The following EYA1 variants were observed in gnomAD, a reference collection of about 807,000 sequenced individuals.
The protein encoded by EYA1 is EYA transcriptional coactivator and phosphatase 1, also known as protein phosphatase EYA1.
Under a neutral mutation model 82.0 loss-of-function variants are expected in EYA1, and 16 were observed. That is an observed-to-expected ratio of 0.20 (90% CI 0.13 to 0.30). The LOEUF (loss-of-function observed/expected upper bound fraction) is 0.30, where lower values mean the gene tolerates loss of function less well. Ranked by LOEUF, EYA1 falls within the 10% of genes least tolerant of loss-of-function variation. EYA1 has a pLI of 1.00. For missense variants in EYA1, 633 were observed against 730.7 expected (o/e 0.87, Z 1.54); for synonymous variants, 261 against 264.4 (o/e 0.99, Z 0.12).
chr8:71,213,744 C>T (rs527424842), intron 16 of EYA1, among the ~76,000 whole-genome samples: 1 of 152,226 alleles, frequency 6.6e-6, no homozygotes, highest in Non-Finnish European at 1.5e-5. Flanking sequence ...TGGGTCTCTT[C>T]CAATGCAACA....
chr8:71,463,307 G>A (rs536941663), intron 2 of EYA1, among the ~76,000 whole-genome samples: 2 of 152,204 alleles, frequency 1.3e-5, no homozygotes, highest in African/African-American at 2.4e-5. Context: ...CAAGTACAGA[G>A]AGAAATGTGT....
At chr8:71,500,427 C>G (rs866616528) in intron 2 of EYA1, among the ~76,000 whole-genome samples, 2 of 152,180 alleles carry the variant, frequency 1.3e-5, no homozygotes, top group African/African-American at 2.4e-5. Flanking sequence ...AAAGTGCCCT[C>G]TACCCTTCTT....
At chr8:71,523,038 T>TC (rs1338310916) in intron 2 of EYA1, among the ~76,000 whole-genome samples, 1 of 152,216 alleles carries the variant, frequency 6.6e-6, no homozygotes, top group African/African-American at 2.4e-5. Flanking sequence ...AAATTGTTTT[T>TC]CTCCCTTTAC....
rs190503387 is a variant in EYA1 at position 71,255,789 on chromosome 8, C to T, written c.1051-11097G>A. ...GAAACAACAGTGAAAAGGCAGGCCA[C>T]GGAATGGGAGAAAATATTTGAAAAT... On this transcript the variant is annotated intron_variant, in intron 11 of 17. Transcript: ENST00000340726. 2.2e-3 allele frequency among the ~76,000 whole-genome samples: 335 copies of T among 151,786 alleles called. 3 individuals carry two copies. Among genetic ancestry groups the T allele is most frequent in the Admixed American group, 2.6e-3 (39 of 15,250 alleles).
At chr8:71,476,400 T>A (rs960562139) in intron 2 of EYA1, among the ~76,000 whole-genome samples, 1 of 152,110 alleles carries the variant, frequency 6.6e-6, no homozygotes, top group Non-Finnish European at 1.5e-5. Context: ...TTCTCAAAAG[T>A]GCTTGAACAA....
intron 2 of EYA1, among the ~76,000 whole-genome samples, chr8:71,418,763 G>A (rs997713151): frequency 3.3e-5 from 5 of 152,238 alleles, no homozygotes; most frequent in Middle Eastern, 3.4e-3. Flanking sequence ...CCCAGATGAC[G>A]ATGAGTGCTG....
At chr8:71,242,136 G>T (rs926275998) in intron 12 of EYA1, among the ~76,000 whole-genome samples, 3 of 152,104 alleles carry the variant, frequency 2.0e-5, no homozygotes, top group Admixed American at 2.0e-4. Flanking sequence ...AACCTGGGAG[G>T]CAGAGGGTGC....
chr8:71,415,457 G>T (rs1440451333), intron 2 of EYA1, among the ~76,000 whole-genome samples: 1 of 152,198 alleles, frequency 6.6e-6, no homozygotes, highest in Non-Finnish European at 1.5e-5. Context: ...TACAACGTGA[G>T]CTTACAGAAG....
Position 71,378,406 on chromosome 8 carries a change from C to G in EYA1, c.34-21895G>C, listed in dbSNP as rs181121853. Among the ~76,000 whole-genome samples, 5 of 152,060 alleles carry G rather than the reference C, an allele frequency of 3.3e-5. No homozygotes were observed. In the East Asian group the frequency reaches 9.7e-4, roughly 29 times the overall value. ...AAGTGGTAACCATAAGAATGGTGACCAAGCCTAAATCATGAATTCAGGTTT... is the reference window on the plus strand; with the variant it reads ...AAGTGGTAACCATAAGAATGGTGACGAAGCCTAAATCATGAATTCAGGTTT... On this transcript the variant is annotated intron_variant, in intron 2 of 18. Coordinates refer to the EYA1 transcript ENST00000643681.
chr8:71,451,272 G>A (rs1455616207), intron 2 of EYA1, among the ~76,000 whole-genome samples: 1 of 152,074 alleles, frequency 6.6e-6, no homozygotes, highest in Non-Finnish European at 1.5e-5. Context: ...AATAAGTATA[G>A]AAAAACAAAT....
At chr8:71,534,946 G>A (rs1814602562) in intron 2 of EYA1, among the ~76,000 whole-genome samples, 2 of 150,114 alleles carry the variant, frequency 1.3e-5, no homozygotes, top group African/African-American at 4.9e-5. Flanking sequence ...ATAAAGCTGA[G>A]CTATGAAATC....
chr8:71,397,299 A>C (rs889817750), intron 2 of EYA1, among the ~76,000 whole-genome samples: 38 of 152,138 alleles, frequency 2.5e-4, no homozygotes, highest in African/African-American at 8.7e-4. Context: ...TTTAAGGTTA[A>C]TATTGTTATG....
upstream of EYA1, chr8:71,362,338 CTG>C (rs1827481380): frequency 5.3e-6 from 2 of 378,106 alleles, no homozygotes; most frequent in African/African-American, 2.2e-5. Context: ...GAATAAACAG[CTG>C]TGTGAGAATA....
chr8:71,257,524 G>C (rs1339609605), intron 11 of EYA1, among the ~76,000 whole-genome samples: 3 of 152,206 alleles, frequency 2.0e-5, no homozygotes, highest in Non-Finnish European at 4.4e-5. Flanking sequence ...GCAAAAGCCT[G>C]CCAAAGTTCC....
Position 71,271,738 on chromosome 8 carries a change from G to C in EYA1, c.966+20C>G, listed in dbSNP as rs1586111555. On this transcript the variant is annotated intron_variant, in intron 10 of 17. Coordinates refer to ENST00000340726, the MANE Select transcript of EYA1 (RefSeq NM_000503.6). ...TATTAAGACACCTTTCTATTCACTT[G>C]GGTGTTGGCTATGACGTACCTCAAG... The C allele has an allele frequency of 6.2e-7, 1 of 1,614,024 alleles. No individual in the cohort carries two copies. The highest frequency in any genetic ancestry group is 8.5e-7 in the Non-Finnish European group (1 of 1,179,982).
intron 9 of EYA1, among the ~76,000 whole-genome samples, chr8:71,295,356 AAAG>A (rs1329441458): frequency 6.6e-6 from 1 of 152,232 alleles, no homozygotes; most frequent in Non-Finnish European, 1.5e-5. Flanking sequence ...CAAAATAAAC[AAAG>A]AACTCCTAAA....
In EYA1 at chr8:71,244,662, G is replaced by T. The variant is rs121909202; in HGVS notation, c.1081C>A (p.Arg361=). 3.1e-6 allele frequency: 5 copies of T among 1,609,166 alleles called. No homozygotes were observed. Among genetic ancestry groups the T allele is most frequent in the Non-Finnish European group, 4.3e-6 (5 of 1,175,904 alleles). Residue 361 remains arginine, a synonymous_variant, in exon 12 of 18, where the codon CGA becomes AGA. Coordinates refer to ENST00000340726, the MANE Select transcript of EYA1 (RefSeq NM_000503.6). Reference sequence around the variant, plus strand: ...AAGTTGAAAATCATTTCTTCCATTCGCAGTCCAAGGGAAACTGAAGTGGGT... The same window carrying T: ...AAGTTGAAAATCATTTCTTCCATTCTCAGTCCAAGGGAAACTGAAGTGGGT... ...DPPTSVSLGL[R]MEEMIFNLAD...
intron 3 of EYA1, among the ~76,000 whole-genome samples, chr8:71,350,333 G>T (rs890051484): frequency 2.0e-5 from 3 of 151,788 alleles, no homozygotes; most frequent in Non-Finnish European, 4.4e-5. Context: ...ATTACACCAA[G>T]AAAAACAAAT....
chr8:71,270,627 T>C (rs2128949622), intron 10 of EYA1, among the ~76,000 whole-genome samples: 1 of 152,318 alleles, frequency 6.6e-6, no homozygotes, highest in Non-Finnish European at 1.5e-5. Context: ...TTTCCAACCA[T>C]CAGATTTCAC....
Sources: gnomAD v4.1 joint callset for allele counts (sites outside exome capture counted in the v4.1 genomes callset) on GRCh38, gnomAD v4.1.1 for gene constraint, MANE v1.5 for transcripts, NCBI Gene and HGNC (gene_info 2026-07-23, HGNC 2026-07-21) for gene names.